Variants in ANKFN1 observed in about 807,000 individuals in gnomAD.
ANKFN1 encodes ankyrin repeat and fibronectin type III domain containing 1, also known as ankyrin repeat and fibronectin type-III domain-containing protein 1.
ANKFN1 carries 74 observed loss-of-function variants against 108.7 expected under a neutral mutation model. The ratio of observed to expected loss-of-function variants is 0.68; its 90% CI spans 0.56 to 0.83. The LOEUF (loss-of-function observed/expected upper bound fraction) is 0.83. ANKFN1 is among the 40% of genes least tolerant of loss of function. The pLI is 0.00. For missense variants in ANKFN1, 1,505 were observed against 1,382.3 expected (o/e 1.09, Z -1.41); for synonymous variants, 547 against 516.2 (o/e 1.06, Z -0.81).
chr17:56,376,015 G>T (rs1306032736), intron 8 of ANKFN1, among the ~76,000 whole-genome samples: 1 of 152,180 alleles, frequency 6.6e-6, no homozygotes, highest in Non-Finnish European at 1.5e-5. Flanking sequence ...GGATTCACAA[G>T]GACATATGGA....
At chr17:56,120,275 C>T (rs944924565) in intron 4 of ANKFN1, among the ~76,000 whole-genome samples, 1 of 152,174 alleles carries the variant, frequency 6.6e-6, no homozygotes, top group African/African-American at 2.4e-5. Flanking sequence ...TCTGTTTCTA[C>T]ATCTCACTCC....
At chr17:56,458,999 T>C (rs2049809022) in intron 14 of ANKFN1, among the ~76,000 whole-genome samples, 1 of 152,232 alleles carries the variant, frequency 6.6e-6, no homozygotes, top group Admixed American at 6.5e-5. Flanking sequence ...AATTCAGAAA[T>C]GCAAATTTTG....
intron 4 of ANKFN1, among the ~76,000 whole-genome samples, chr17:56,054,926 A>G (rs1237741777): frequency 6.6e-6 from 1 of 152,022 alleles, no homozygotes; most frequent in South Asian, 2.1e-4. Flanking sequence ...CAAATAAAAA[A>G]CTTAAATTGC....
At chr17:56,451,703 A>C (rs1428697083) in intron 11 of ANKFN1, among the ~76,000 whole-genome samples, 1 of 152,162 alleles carries the variant, frequency 6.6e-6, no homozygotes, top group Non-Finnish European at 1.5e-5. Context: ...AATTAGGTGC[A>C]TTAAATTCAC....
intron 3 of ANKFN1, among the ~76,000 whole-genome samples, chr17:56,316,209 G>A (rs17820115): frequency 0.19 from 29,204 of 152,062 alleles, 3,714 homozygotes; most frequent in East Asian, 0.54. Context: ...ACAGTTATGC[G>A]TCTTTATTAT....
At chr17:56,074,406 T>C (rs1905157382) in intron 4 of ANKFN1, among the ~76,000 whole-genome samples, 2 of 152,212 alleles carry the variant, frequency 1.3e-5, no homozygotes, top group Admixed American at 1.3e-4. Flanking sequence ...GCGTGAGCCC[T>C]TGATGGCTGA....
chr17:56,166,438 C>T (rs1254284296), intron 1 of ANKFN1, among the ~76,000 whole-genome samples: 1 of 152,168 alleles, frequency 6.6e-6, no homozygotes, highest in Non-Finnish European at 1.5e-5. Flanking sequence ...TCCAACAGAC[C>T]AGTTAACTTT....
At chr17:56,292,966 A>G (rs1381748065) in intron 3 of ANKFN1, among the ~76,000 whole-genome samples, 1 of 152,232 alleles carries the variant, frequency 6.6e-6, no homozygotes, top group Non-Finnish European at 1.5e-5. Context: ...CTTGCCTTGC[A>G]TATTCATTCA....
intron 3 of ANKFN1, among the ~76,000 whole-genome samples, chr17:56,290,620 T>G (rs1362063123): frequency 6.6e-6 from 1 of 152,156 alleles, no homozygotes; most frequent in African/African-American, 2.4e-5. Context: ...CTAAATATTT[T>G]AAGAGCCCAG....
intron 8 of ANKFN1, among the ~76,000 whole-genome samples, chr17:56,403,838 A>C (rs1343142636): frequency 6.6e-6 from 1 of 152,080 alleles, no homozygotes; most frequent in East Asian, 1.9e-4. Flanking sequence ...TCCTTTTAGC[A>C]GTTCTTGTAG....
intron 14 of ANKFN1, 50 bp from the exon 15 acceptor site, chr17:56,466,306 C>T (rs781759385): frequency 6.6e-7 from 1 of 1,512,006 alleles, no homozygotes; most frequent in East Asian, 2.3e-5. Flanking sequence ...CGTTGTGTTG[C>T]TTTGTTAGCA....
chr17:56,168,577 T>C (rs1346072624), intron 1 of ANKFN1, among the ~76,000 whole-genome samples: 1 of 152,252 alleles, frequency 6.6e-6, no homozygotes, highest in East Asian at 1.9e-4. Flanking sequence ...TTATAATCAA[T>C]TGCAAGACCA....
At chr17:56,466,957 A>G (rs779605273) in intron 15 of ANKFN1, among the ~76,000 whole-genome samples, 1 of 152,018 alleles carries the variant, frequency 6.6e-6, no homozygotes, top group East Asian at 1.9e-4. Context: ...ATACAAAAAA[A>G]TAAATAAATA....
At chr17:56,475,570 A>G (rs753938153) in intron 15 of ANKFN1, among the ~76,000 whole-genome samples, 4 of 152,204 alleles carry the variant, frequency 2.6e-5, no homozygotes, top group Non-Finnish European at 4.4e-5. Flanking sequence ...ATTTAATGGT[A>G]GAGTTGATTC....
intron 15 of ANKFN1, among the ~76,000 whole-genome samples, chr17:56,467,771 G>GAAAA (rs1376584117): frequency 1.7e-3 from 26 of 15,728 alleles, no homozygotes; most frequent in African/African-American, 3.9e-3. Context: ...AAGAAAGAAA[G>GAAAA]AAAGAAAGAA....
At chr17:56,254,205 C>A (rs538876976) in intron 3 of ANKFN1, 1 of 152,354 alleles carries the variant, frequency 6.6e-6, no homozygotes, top group African/African-American at 2.4e-5. Context: ...CTGCCCCATT[C>A]TCACCATTAT....
In ANKFN1 at chr17:56,511,460, C is replaced by T. The variant is rs1054814388; in HGVS notation, c.*191C>T. 6.3e-6 allele frequency: 4 copies of T among 631,730 alleles called. No homozygotes were observed. The highest frequency in any genetic ancestry group is 1.1e-5 in the Non-Finnish European group (4 of 376,180). The allele number at this position is 631,730 out of a possible 1,614,324, so 39.1% of individuals were successfully genotyped here. On this transcript the variant is annotated 3_prime_UTR_variant, in exon 21 of 21. Transcript: ENST00000682825. Reference sequence around the variant, plus strand: ...GGGTGGAGGCCAGAGTTGCCAGTGCCATTCCCACTTCAGCCTAGAAAGGGC... The same window carrying T: ...GGGTGGAGGCCAGAGTTGCCAGTGCTATTCCCACTTCAGCCTAGAAAGGGC...
chr17:56,265,950 C>A (rs988122111), intron 3 of ANKFN1, among the ~76,000 whole-genome samples: 2 of 152,044 alleles, frequency 1.3e-5, no homozygotes, highest in Non-Finnish European at 2.9e-5. Flanking sequence ...GGCAAAGTAA[C>A]CAGTCAAAGG....
At chr17:56,047,769 C>T (rs1490203745) in intron 4 of ANKFN1, among the ~76,000 whole-genome samples, 1 of 152,128 alleles carries the variant, frequency 6.6e-6, no homozygotes, top group African/African-American at 2.4e-5. Context: ...GTGGACAGGG[C>T]TCAATGCTAG....
Sources: allele counts gnomAD v4.1 joint callset (sites outside exome capture counted in the v4.1 genomes callset), GRCh38; gene constraint gnomAD v4.1.1; transcripts MANE v1.5; gene names NCBI Gene and HGNC (gene_info 2026-07-23, HGNC 2026-07-21).